RBFOX1: variants seen among roughly 807,000 people sequenced by gnomAD.
The protein encoded by RBFOX1 is RNA binding fox-1 homolog 1.
In RBFOX1, 8 loss-of-function variants were observed where a neutral mutation model predicts 57.7. The ratio of observed to expected loss-of-function variants is 0.14; its 90% CI spans 0.08 to 0.25. The LOEUF is 0.25. RBFOX1 is among the 10% of genes least tolerant of loss of function. RBFOX1 has a pLI of 1.00. For missense variants in RBFOX1, 611 were observed against 548.5 expected (o/e 1.11, Z -1.14); for synonymous variants, 326 against 222.4 (o/e 1.47, Z -4.15).
At chr16:7,410,594 T>G (rs2098414475) in intron 4 of RBFOX1, among the ~76,000 whole-genome samples, 1 of 152,208 alleles carries the variant, frequency 6.6e-6, no homozygotes, top group Non-Finnish European at 1.5e-5. Context: ...GCAGAATCAC[T>G]TGAACCCAGA....
At chr16:7,025,323 C>G (rs958992487) in intron 3 of RBFOX1, among the ~76,000 whole-genome samples, 4 of 152,088 alleles carry the variant, frequency 2.6e-5, no homozygotes, top group Non-Finnish European at 5.9e-5. Context: ...CCAGAGGTCC[C>G]TCTCAGGGCC....
intron 2 of RBFOX1, among the ~76,000 whole-genome samples, chr16:5,561,362 C>G (rs922407498): frequency 4.6e-5 from 7 of 152,032 alleles, no homozygotes; most frequent in African/African-American, 1.7e-4. Flanking sequence ...AAAAGGGGAC[C>G]TATAGCTTCA....
At chr16:5,757,255 T>A (rs1208590536) in intron 3 of RBFOX1, among the ~76,000 whole-genome samples, 2 of 144,086 alleles carry the variant, frequency 1.4e-5, no homozygotes, top group Non-Finnish European at 3.0e-5. Flanking sequence ...TTTTTGGAGA[T>A]GGAGTGTCAC....
intron 2 of RBFOX1, among the ~76,000 whole-genome samples, chr16:6,599,415 C>T (rs1295633961): frequency 6.6e-6 from 1 of 152,062 alleles, no homozygotes; most frequent in Admixed American, 6.6e-5. Flanking sequence ...TGGGAACATA[C>T]ACCATCTATC....
Position 7,034,848 on chromosome 16 carries a change from C to CT in RBFOX1, c.-15-17191dup, listed in dbSNP as rs58405378. ...ATTACTTTTTTTTTTTTTCTTTTTT[C>CT]TTTTTTTTTTTTTTTTTTGAGATGG... On this transcript the variant is annotated intron_variant, in intron 3 of 15. Transcript: ENST00000550418. Among the ~76,000 whole-genome samples, 149 of 30,832 alleles carry CT rather than the reference C, an allele frequency of 4.8e-3. 16 individuals carry two copies. The highest frequency in any genetic ancestry group is 0.019 in the South Asian group (9 of 480). 20.2% of individuals were successfully genotyped at this position (30,832 alleles called of 152,430 possible).
At chr16:6,622,348 C>A (rs946235671) in intron 2 of RBFOX1, among the ~76,000 whole-genome samples, 7 of 152,052 alleles carry the variant, frequency 4.6e-5, no homozygotes, top group African/African-American at 1.2e-4. Flanking sequence ...TTTTATCGTA[C>A]CTTTTCTATG....
intron 3 of RBFOX1, among the ~76,000 whole-genome samples, chr16:7,007,536 T>A (rs1046556510): frequency 6.6e-6 from 1 of 152,164 alleles, no homozygotes; most frequent in African/African-American, 2.4e-5. Context: ...ATGGGTATCT[T>A]GGGGAAGTGG....
intron 3 of RBFOX1, among the ~76,000 whole-genome samples, chr16:6,749,204 C>A (rs1410703173): frequency 6.6e-6 from 1 of 152,176 alleles, no homozygotes; most frequent in Non-Finnish European, 1.5e-5. Flanking sequence ...CTCTGCTGTG[C>A]ATTCCAGGCA....
chr16:7,073,844 A>C (rs1397460954), intron 4 of RBFOX1, among the ~76,000 whole-genome samples: 1 of 152,084 alleles, frequency 6.6e-6, no homozygotes, highest in Non-Finnish European at 1.5e-5. Flanking sequence ...GTGACAGAGC[A>C]AGGCATTGTC....
intron 3 of RBFOX1, among the ~76,000 whole-genome samples, chr16:7,036,782 G>T (rs2044588894): frequency 6.6e-6 from 1 of 151,904 alleles, no homozygotes; most frequent in African/African-American, 2.4e-5. Flanking sequence ...TAAAGTGAAA[G>T]CAAGTTTATT....
intron 3 of RBFOX1, among the ~76,000 whole-genome samples, chr16:6,762,063 C>G (rs1255902284): frequency 2.0e-5 from 3 of 151,424 alleles, no homozygotes; most frequent in Non-Finnish European, 4.4e-5. Context: ...TTCTCTGGAG[C>G]CTGATCTCCA....
Position 7,220,779 on chromosome 16 carries a change from C to A in RBFOX1, c.27+168681C>A, listed in dbSNP as rs79239314. Among the ~76,000 whole-genome samples the A allele has an allele frequency of 3.3e-3, 498 of 152,242 alleles. 2 individuals carry two copies. Among genetic ancestry groups the A allele is most frequent in the African/African-American group, 0.011 (467 of 41,536 alleles). ...CCCACATCTGACCTATCAGGGCTGG[C>A]CGTACAATCAGCATTTTAAATAGGC... On this transcript the variant is annotated intron_variant, in intron 4 of 15. Coordinates refer to ENST00000550418, the MANE Select transcript of RBFOX1 (RefSeq NM_018723.4).
At chr16:7,561,766 A>G (rs1000862766) in intron 5 of RBFOX1, among the ~76,000 whole-genome samples, 2 of 152,228 alleles carry the variant, frequency 1.3e-5, no homozygotes, top group African/African-American at 4.8e-5. Flanking sequence ...TCTTAAATTC[A>G]TCACCCATTT....
chr16:5,652,299 T>C (rs1273352912), intron 3 of RBFOX1, among the ~76,000 whole-genome samples: 1 of 152,180 alleles, frequency 6.6e-6, no homozygotes, highest in East Asian at 1.9e-4. Context: ...CAAACCATGT[T>C]ACAGATGGGA....
At chr16:7,278,657 A>G (rs928899541) in intron 4 of RBFOX1, among the ~76,000 whole-genome samples, 1 of 152,244 alleles carries the variant, frequency 6.6e-6, no homozygotes, top group African/African-American at 2.4e-5. Flanking sequence ...TGCAATTCAT[A>G]TCAAAAAGTC....
rs1599370266 is a variant in RBFOX1, at chr16:6,300,379, G to A, written c.-126-16616G>A. Among the ~76,000 whole-genome samples, 3 of 152,252 alleles carry A rather than the reference G, an allele frequency of 2.0e-5. No homozygotes were observed. The East Asian group carries it at 5.8e-4, about 29-fold the overall frequency. ...TACACATGTTAATTAGCTTGATTTA[G>A]CCATTCCACAGTGTATACATATTTC... On this transcript the variant is annotated intron_variant, in intron 1 of 15. Transcript: ENST00000550418.
chr16:6,611,986 G>T (rs1317254944), intron 2 of RBFOX1, among the ~76,000 whole-genome samples: 1 of 149,888 alleles, frequency 6.7e-6, no homozygotes, highest in Non-Finnish European at 1.5e-5. Flanking sequence ...TGGCCTCTCA[G>T]ATCTCCCGAG....
At chr16:6,336,537 G>T (rs2083781463) in intron 2 of RBFOX1, among the ~76,000 whole-genome samples, 1 of 152,066 alleles carries the variant, frequency 6.6e-6, no homozygotes, top group African/African-American at 2.4e-5. Flanking sequence ...TGTAGAGAGG[G>T]CTGGATTTAT....
rs2060051826 is a variant in RBFOX1 at position 5,975,873 on chromosome 16, C to A, written c.351+108538C>A. ...ATATTTTTTATTATCTGGAAGGGTG[C>A]AGTGGCTCATTCCTATAATCCCAGT... On this transcript the variant is annotated intron_variant, in intron 4 of 19. Transcript: ENST00000641259. Among the ~76,000 whole-genome samples, 3 of 152,142 alleles carry A rather than the reference C, an allele frequency of 2.0e-5. No individual in the cohort carries two copies. The South Asian group carries it at 6.2e-4, about 32-fold the overall frequency.
Sources: gnomAD v4.1 joint callset for allele counts (sites outside exome capture counted in the v4.1 genomes callset) on GRCh38, gnomAD v4.1.1 for gene constraint, MANE v1.5 for transcripts, NCBI Gene and HGNC (gene_info 2026-07-23, HGNC 2026-07-21) for gene names.